Variants in WDR49 observed in about 807,000 individuals in gnomAD.
The protein encoded by WDR49 is WD repeat domain 49, also known as cilia- and flagella-associated protein 337.
In WDR49, 107 loss-of-function variants were observed where a neutral mutation model predicts 119.5. The observed-to-expected ratio is 0.90, with a 90% confidence interval of 0.77 to 1.05. The LOEUF is 1.05. WDR49 is among the 50% of genes least tolerant of loss of function. The pLI is 0.00. For missense variants in WDR49, 1,240 were observed against 1,220.5 expected (o/e 1.02, Z -0.24); for synonymous variants, 425 against 418.8 (o/e 1.01, Z -0.18).
intron 18 of WDR49, among the ~76,000 whole-genome samples, chr3:167,488,145 AACACACACACACACAC>A (rs57719248): frequency 0.017 from 2,327 of 136,264 alleles, 59 homozygotes; most frequent in African/African-American, 0.059. Flanking sequence ...GATACACTCA[AACACACACACACACAC>A]ACACACACAC....
rs569818925 is a variant in WDR49, at chr3:167,605,103, T to C, written c.959-635A>G. 1.6e-3 allele frequency among the ~76,000 whole-genome samples: 240 copies of C among 147,160 alleles called. 1 individual carries two copies. Among genetic ancestry groups the C allele is most frequent in the South Asian group, 5.3e-3 (24 of 4,556 alleles). On this transcript the variant is annotated intron_variant, in intron 5 of 18. Coordinates refer to ENST00000682715, the MANE Select transcript of WDR49 (RefSeq NM_001366157.1). The stretch of plus-strand genomic sequence containing the variant: ...TATATTTGTAATATGTGTATATATA[T>C]ACACACACACACACACACACACACA...
intron 2 of WDR49, among the ~76,000 whole-genome samples, chr3:167,632,300 G>A (rs1717411459): frequency 6.6e-6 from 1 of 152,072 alleles, no homozygotes; most frequent in South Asian, 2.1e-4. Flanking sequence ...TGTAGTATTA[G>A]AAACAAATTG....
intron 6 of WDR49, among the ~76,000 whole-genome samples, chr3:167,603,746 G>T (rs570269133): frequency 3.8e-4 from 58 of 152,158 alleles, no homozygotes; most frequent in Admixed American, 2.9e-3. Flanking sequence ...TATTTCCTCA[G>T]TTAAAATAAA....
chr3:167,504,891 C>A (rs1751706912), intron 17 of WDR49, among the ~76,000 whole-genome samples: 1 of 152,218 alleles, frequency 6.6e-6, no homozygotes, highest in South Asian at 2.1e-4. Flanking sequence ...TAGCACCTCC[C>A]CCACTCCCTC....
rs186834401 is a variant in WDR49 at position 167,562,072 on chromosome 3, A to C, written c.1510-1844T>G. 5.3e-4 allele frequency among the ~76,000 whole-genome samples: 81 copies of C among 152,284 alleles called. 1 individual carries two copies. The highest frequency in any genetic ancestry group is 1.9e-3 in the African/African-American group (80 of 41,584). ...AATCTCTGGTAAGCAGCTCCAAAGA[A>C]TATTGAGTAATTATAAAGTCAGTTT... is the stretch of plus-strand genomic sequence containing the variant. On this transcript the variant is annotated intron_variant, in intron 8 of 18. Transcript: ENST00000682715.
chr3:167,637,676 T>C (rs768782800), intron 2 of WDR49, among the ~76,000 whole-genome samples: 3 of 151,758 alleles, frequency 2.0e-5, no homozygotes, highest in Non-Finnish European at 4.4e-5. Context: ...TTCAGCAGTG[T>C]TTTGTAGTTT....
intron 7 of WDR49, among the ~76,000 whole-genome samples, chr3:167,589,788 C>T (rs1460565341): frequency 6.6e-6 from 1 of 152,022 alleles, no homozygotes; most frequent in Admixed American, 6.6e-5. Context: ...TGCTACTTTA[C>T]TGAATTTGCT....
chr3:167,534,720 T>C lies in WDR49; in HGVS notation c.1955-1743A>G, dbSNP rs1317976613. On this transcript the variant is annotated intron_variant, in intron 11 of 18. Coordinates refer to ENST00000682715, the MANE Select transcript of WDR49 (RefSeq NM_001366157.1). ...CTTGAAAATTTCATGGTGCAATCTG[T>C]CTCTATAAATTGCATTCTTTGGCCA... Among the ~76,000 whole-genome samples the C allele has an allele frequency of 2.0e-5, 3 of 152,308 alleles. No homozygotes were observed. In the East Asian group the frequency reaches 5.8e-4, roughly 29 times the overall value.
chr3:167,610,123 T>C (rs1347218919), intron 5 of WDR49, among the ~76,000 whole-genome samples: 1 of 152,114 alleles, frequency 6.6e-6, no homozygotes, highest in Non-Finnish European at 1.5e-5. Context: ...GTGGAGGCTA[T>C]GGGGAAAAAC....
chr3:167,597,183 C>T (rs1302229419), intron 7 of WDR49, among the ~76,000 whole-genome samples: 1 of 152,206 alleles, frequency 6.6e-6, no homozygotes. Flanking sequence ...GGAATGGTAC[C>T]CTGCATCCCA....
intron 10 of WDR49, among the ~76,000 whole-genome samples, chr3:167,545,875 A>AG (rs1712159579): frequency 6.9e-6 from 1 of 145,630 alleles, no homozygotes; most frequent in African/African-American, 2.5e-5. Flanking sequence ...AAAAATAAAA[A>AG]GCAAATAAAT....
At chr3:167,490,321 T>G (rs1751086119) in intron 18 of WDR49, among the ~76,000 whole-genome samples, 1 of 152,160 alleles carries the variant, frequency 6.6e-6, no homozygotes, top group Non-Finnish European at 1.5e-5. Context: ...TATTTGTGAA[T>G]TTTGAGATAA....
intron 2 of WDR49, among the ~76,000 whole-genome samples, chr3:167,644,277 G>A (rs1442571567): frequency 1.3e-5 from 2 of 151,938 alleles, no homozygotes; most frequent in African/African-American, 2.4e-5. Flanking sequence ...GAGTCTTTAG[G>A]TTATGAAGAC....
At chr3:167,495,697 C>T (rs1049240269) in intron 18 of WDR49, among the ~76,000 whole-genome samples, 7 of 151,124 alleles carry the variant, frequency 4.6e-5, no homozygotes, top group African/African-American at 1.7e-4. Context: ...TTTCTATGAA[C>T]TCCAAGTAGC....
chr3:167,595,375 GTT>G (rs540791870), intron 7 of WDR49, among the ~76,000 whole-genome samples: 9 of 152,192 alleles, frequency 5.9e-5, no homozygotes, highest in African/African-American at 2.2e-4. Flanking sequence ...CTACTTTAAA[GTT>G]CATATGGAAC....
upstream of WDR49, among the ~76,000 whole-genome samples, chr3:167,654,375 TA>T (rs542417663): frequency 6.6e-6 from 1 of 152,066 alleles, no homozygotes; most frequent in Non-Finnish European, 1.5e-5. Flanking sequence ...GAAAATGTGA[TA>T]AAAAAACACA....
At chr3:167,554,490 C>T (rs1272116719) in intron 10 of WDR49, among the ~76,000 whole-genome samples, 160 bp downstream of exon 10, 4 of 152,164 alleles carry the variant, frequency 2.6e-5, no homozygotes, top group Admixed American at 6.5e-5. Context: ...TCAAGCTATG[C>T]GGTCTTCTAA....
intron 16 of WDR49, 73 bp from the exon 17 acceptor site, chr3:167,505,489 A>G (rs1577203798): frequency 7.2e-6 from 10 of 1,395,878 alleles, no homozygotes; most frequent in Non-Finnish European, 9.3e-6. Context: ...GGCTATGTGT[A>G]TCTTTGACCA....
Position 167,536,870 on chromosome 3 carries a change from C to T in WDR49, c.1954G>A (p.Gly652Arg). 6.7e-7 allele frequency: 1 copy of T among 1,484,548 alleles called. No individual in the cohort carries two copies. Among genetic ancestry groups the T allele is most frequent in the Non-Finnish European group, 9.0e-7 (1 of 1,113,988 alleles). The allele number at this position is 1,484,548 out of a possible 1,614,324, so 92.0% of individuals were successfully genotyped here. A position where few individuals can be genotyped will look rare whatever the true frequency, so the allele number is the denominator to read the frequency against. The change falls in exon 11 of 19, where the codon GGG (glycine) becomes AGG (arginine). Residue 652 changes from glycine to arginine, a missense_variant and splice_region_variant. Coordinates refer to ENST00000682715, the MANE Select transcript of WDR49 (RefSeq NM_001366157.1). ...ATTGTCAAGTGAAAGTTCAATTTAC[C>T]CGTAACAAGAGTTTGTGGAGGTAAA... The part of the protein sequence containing the change: ...AFLPPQTLVT[G>R]SYDGEIVLWN...
Sources: allele counts gnomAD v4.1 joint callset (sites outside exome capture counted in the v4.1 genomes callset), GRCh38; gene constraint gnomAD v4.1.1; transcripts MANE v1.5; gene names NCBI Gene and HGNC (gene_info 2026-07-23, HGNC 2026-07-21).